The following LRRC4C variants were observed in gnomAD, a reference collection of about 807,000 sequenced individuals.
LRRC4C encodes the protein leucine rich repeat containing 4C.
LRRC4C carries 5 observed loss-of-function variants against 33.6 expected under a neutral mutation model. The observed-to-expected ratio is 0.15, with a 90% CI of 0.08 to 0.31. The LOEUF (loss-of-function observed/expected upper bound fraction) is 0.31. Among genes scored for constraint, LRRC4C ranks in the 10% least tolerant of loss-of-function variants. The probability of loss-of-function intolerance (pLI) is 1.00; values close to 1 mark genes in which losing one functional copy is unlikely to be tolerated. For synonymous variants in LRRC4C, 329 were observed against 302.0 expected (o/e 1.09, Z -0.93); for missense variants, 560 against 796.7 (o/e 0.70, Z 3.58).
At chr11:40,605,575 A>G (rs1402326546) in intron 3 of LRRC4C, among the ~76,000 whole-genome samples, 2 of 152,208 alleles carry the variant, frequency 1.3e-5, no homozygotes, top group Non-Finnish European at 2.9e-5. Context: ...AGTGGGACTC[A>G]GAGGAAAGTT....
chr11:41,322,317 T>G (rs998418052), intron 1 of LRRC4C, among the ~76,000 whole-genome samples: 1 of 152,142 alleles, frequency 6.6e-6, no homozygotes, highest in Non-Finnish European at 1.5e-5. Context: ...TTTGAACTTA[T>G]AGTTTTTGAA....
chr11:40,340,045 AT>A (rs1301652356), intron 3 of LRRC4C, among the ~76,000 whole-genome samples: 1 of 152,086 alleles, frequency 6.6e-6, no homozygotes, highest in Non-Finnish European at 1.5e-5. Flanking sequence ...AGAAATTTTA[AT>A]TGAGAAACCA....
At chr11:40,756,158 C>G (rs1228861726) in intron 2 of LRRC4C, among the ~76,000 whole-genome samples, 1 of 151,988 alleles carries the variant, frequency 6.6e-6, no homozygotes, top group Admixed American at 6.6e-5. Flanking sequence ...TTAGAGGAAA[C>G]TAACGCTGCT....
intron 1 of LRRC4C, among the ~76,000 whole-genome samples, chr11:41,346,329 C>A (rs774408415): frequency 6.6e-6 from 1 of 152,194 alleles, no homozygotes; most frequent in African/African-American, 2.4e-5. Flanking sequence ...CCTGTGAAGA[C>A]AGCAGACACA....
At chr11:41,367,643 T>C (rs947467973) in intron 1 of LRRC4C, among the ~76,000 whole-genome samples, 4 of 152,196 alleles carry the variant, frequency 2.6e-5, no homozygotes, top group African/African-American at 7.2e-5. Flanking sequence ...TGTATCTGTA[T>C]GTCTGTACTG....
intron 2 of LRRC4C, among the ~76,000 whole-genome samples, chr11:40,788,727 T>C (rs1036980074): frequency 1.2e-4 from 18 of 152,274 alleles, no homozygotes; most frequent in Admixed American, 1.0e-3. Flanking sequence ...AAATCTTTCC[T>C]GGAATGCCAT....
intron 3 of LRRC4C, among the ~76,000 whole-genome samples, chr11:40,329,469 C>T (rs960019161): frequency 6.6e-6 from 1 of 152,058 alleles, no homozygotes; most frequent in East Asian, 1.9e-4. Flanking sequence ...GACTTTGAGA[C>T]GACTGGGCAG....
intron 3 of LRRC4C, among the ~76,000 whole-genome samples, chr11:40,506,547 C>T (rs940317912): frequency 2.0e-5 from 3 of 152,026 alleles, no homozygotes; most frequent in Admixed American, 1.3e-4. Context: ...CAACAGCCAG[C>T]GGGAACATGG....
At chr11:40,595,311 C>T (rs953142667) in intron 3 of LRRC4C, among the ~76,000 whole-genome samples, 3 of 152,022 alleles carry the variant, frequency 2.0e-5, no homozygotes, top group Admixed American at 2.0e-4. Context: ...GAAAGACTGA[C>T]TTGAAATAAT....
intron 1 of LRRC4C, among the ~76,000 whole-genome samples, chr11:41,164,936 C>T (rs953076870): frequency 6.6e-6 from 1 of 152,120 alleles, no homozygotes; most frequent in Non-Finnish European, 1.5e-5. Flanking sequence ...GACTTGCTGT[C>T]TCCTTGTTCC....
At chr11:40,690,686 A>G (rs1945183031) in intron 2 of LRRC4C, among the ~76,000 whole-genome samples, 1 of 152,116 alleles carries the variant, frequency 6.6e-6, no homozygotes, top group South Asian at 2.1e-4. Flanking sequence ...AAATGTGGCA[A>G]TAATGAAATT....
intron 1 of LRRC4C, among the ~76,000 whole-genome samples, chr11:41,288,291 A>C (rs1460863153): frequency 6.6e-6 from 1 of 152,152 alleles, no homozygotes. Flanking sequence ...ATTTGGTATG[A>C]CTCCAGTTCA....
At chr11:41,453,630 T>A (rs1296919978) in intron 1 of LRRC4C, among the ~76,000 whole-genome samples, 1 of 151,996 alleles carries the variant, frequency 6.6e-6, no homozygotes, top group East Asian at 1.9e-4. Flanking sequence ...AGTATGGGAA[T>A]AATAATGTTA....
chr11:41,209,636 C>G (rs1382155313), intron 1 of LRRC4C, among the ~76,000 whole-genome samples: 1 of 143,392 alleles, frequency 7.0e-6, no homozygotes, highest in Admixed American at 7.4e-5. Flanking sequence ...CAGAGTGAGA[C>G]TCTGTCTCAA....
intron 6 of LRRC4C, among the ~76,000 whole-genome samples, chr11:40,125,770 T>C (rs1856176707): frequency 6.6e-6 from 1 of 152,124 alleles, no homozygotes; most frequent in Admixed American, 6.5e-5. Context: ...CATCTCTGGG[T>C]TTTAAAGAAT....
At chr11:40,690,742 A>C (rs1040685034) in intron 2 of LRRC4C, among the ~76,000 whole-genome samples, 1 of 152,122 alleles carries the variant, frequency 6.6e-6, no homozygotes. Flanking sequence ...TAAAAAGAGA[A>C]GTGGAATCTT....
intron 3 of LRRC4C, among the ~76,000 whole-genome samples, chr11:40,578,746 A>G (rs1484221280): frequency 6.6e-6 from 1 of 152,256 alleles, no homozygotes; most frequent in Non-Finnish European, 1.5e-5. Flanking sequence ...TTGGCAACAC[A>G]GATCCAAACT....
intron 1 of LRRC4C, among the ~76,000 whole-genome samples, chr11:41,201,923 C>CACACACACAA (rs1946414910): frequency 2.7e-3 from 2 of 730 alleles, no homozygotes; most frequent in South Asian, 0.33. Context: ...CACACACAAA[C>CACACACACAA]ACACACACAC....
chr11:41,099,979 C>T (rs552258370), intron 1 of LRRC4C, among the ~76,000 whole-genome samples: 4 of 152,228 alleles, frequency 2.6e-5, no homozygotes, highest in Admixed American at 2.6e-4. Flanking sequence ...TGATAAACAA[C>T]TTGAGCAAAG....
Sources: allele counts gnomAD v4.1 joint callset (sites outside exome capture counted in the v4.1 genomes callset), GRCh38; gene constraint gnomAD v4.1.1; transcripts MANE v1.5; gene names NCBI Gene and HGNC (gene_info 2026-07-23, HGNC 2026-07-21).